ATRNL1: variants seen among roughly 807,000 people sequenced by gnomAD.
ATRNL1 encodes the protein attractin-like protein 1.
A neutral mutation model predicts 182.7 loss-of-function variants in ATRNL1; 95 were observed. That is an observed-to-expected ratio of 0.52 (90% CI 0.44 to 0.62). ATRNL1 has a LOEUF of 0.62. ATRNL1 is among the 20% of genes least tolerant of loss of function. ATRNL1 has a pLI of 0.00. For missense variants in ATRNL1, 1,471 were observed against 1,679.5 expected, an observed-to-expected ratio of 0.88 and a Z score of 2.17; for synonymous variants, 576 against 568.3, an observed-to-expected ratio of 1.01 and a Z score of -0.19.
intron 10 of ATRNL1, among the ~76,000 whole-genome samples, chr10:115,245,806 G>A (rs999712499): frequency 2.6e-5 from 4 of 151,848 alleles, no homozygotes; most frequent in East Asian, 1.9e-4. Flanking sequence ...TATGCACTTC[G>A]TTAAATTCTT....
In ATRNL1 at chr10:115,718,819, C is replaced by T. The variant is rs1555056979; in HGVS notation, c.3796-8429C>T. On this transcript the variant is annotated intron_variant, in intron 26 of 28. Transcript: ENST00000355044. Reference sequence around the variant, plus strand: ...TAACTCCAGGCTACATAAGTACTTCCTCCAATAGCAGACTATACTATCTGC... The same window carrying T: ...TAACTCCAGGCTACATAAGTACTTCTTCCAATAGCAGACTATACTATCTGC... Among the ~76,000 whole-genome samples, 3 of 152,206 alleles carry T rather than the reference C, an allele frequency of 2.0e-5. No individual in the cohort carries two copies. In the South Asian group the frequency reaches 6.2e-4, roughly 32 times the overall value.
At chr10:115,419,036 A>G (rs1021945681) in intron 20 of ATRNL1, among the ~76,000 whole-genome samples, 4 of 152,208 alleles carry the variant, frequency 2.6e-5, no homozygotes, top group Non-Finnish European at 5.9e-5. Context: ...TTATCTTTGT[A>G]TAAAGAATGA....
At chr10:115,389,530 A>ATGTGTATG (rs1843861103) in intron 19 of ATRNL1, among the ~76,000 whole-genome samples, 1 of 94,476 alleles carries the variant, frequency 1.1e-5, no homozygotes, top group African/African-American at 4.5e-5. Context: ...TAGTATTCAA[A>ATGTGTATG]TGTGTATGTG....
intron 27 of ATRNL1, among the ~76,000 whole-genome samples, chr10:115,750,284 G>T (rs1229073206): frequency 6.6e-6 from 1 of 151,662 alleles, no homozygotes; most frequent in Non-Finnish European, 1.5e-5. Flanking sequence ...TAAAAGAAAG[G>T]TCTATTAATA....
intron 7 of ATRNL1, among the ~76,000 whole-genome samples, chr10:115,170,043 A>T (rs1256057755): frequency 6.6e-6 from 1 of 152,146 alleles, no homozygotes; most frequent in Non-Finnish European, 1.5e-5. Flanking sequence ...TTTTTAAAAA[A>T]ATTTTTAGGA....
intron 28 of ATRNL1, among the ~76,000 whole-genome samples, chr10:115,892,197 G>A (rs545843173): frequency 6.6e-6 from 1 of 152,230 alleles, no homozygotes; most frequent in East Asian, 1.9e-4. Context: ...TTGTAATGGT[G>A]ATTTTTATTA....
intron 27 of ATRNL1, among the ~76,000 whole-genome samples, chr10:115,752,183 T>C (rs1335240167): frequency 6.6e-6 from 1 of 152,074 alleles, no homozygotes; most frequent in Non-Finnish European, 1.5e-5. Flanking sequence ...ATTAAAAATA[T>C]TTATTCAGAA....
intron 27 of ATRNL1, among the ~76,000 whole-genome samples, chr10:115,787,064 A>G (rs1303032562): frequency 1.3e-5 from 2 of 152,204 alleles, no homozygotes; most frequent in Non-Finnish European, 2.9e-5. Flanking sequence ...AAGGTTCTTT[A>G]TCTGATTCTG....
intron 5 of ATRNL1, among the ~76,000 whole-genome samples, chr10:115,152,749 A>T (rs979197157): frequency 1.3e-5 from 2 of 152,240 alleles, no homozygotes; most frequent in East Asian, 1.9e-4. Flanking sequence ...TTCCAACACT[A>T]TGTTGAATAA....
At chr10:115,162,109 C>T (rs1463874149) in intron 6 of ATRNL1, among the ~76,000 whole-genome samples, 1 of 151,188 alleles carries the variant, frequency 6.6e-6, no homozygotes, top group Admixed American at 6.6e-5. Context: ...AACAAATGCC[C>T]GTGTCTTTGT....
At chr10:115,170,216 A>G (rs1378261933) in intron 7 of ATRNL1, among the ~76,000 whole-genome samples, 2 of 152,146 alleles carry the variant, frequency 1.3e-5, no homozygotes, top group African/African-American at 4.8e-5. Flanking sequence ...GACCTTAGGG[A>G]AATGTATCTA....
chr10:115,187,171 A>G (rs1269376697), intron 8 of ATRNL1, among the ~76,000 whole-genome samples: 4 of 148,014 alleles, frequency 2.7e-5, no homozygotes, highest in African/African-American at 8.0e-5. Flanking sequence ...GTTTCTGGGA[A>G]TAATTTTTTT....
intron 26 of ATRNL1, among the ~76,000 whole-genome samples, chr10:115,564,206 G>A (rs1853934088): frequency 6.6e-6 from 1 of 151,978 alleles, no homozygotes; most frequent in South Asian, 2.1e-4. Flanking sequence ...TATATTGAAT[G>A]AACATGGTAT....
intron 26 of ATRNL1, among the ~76,000 whole-genome samples, chr10:115,706,900 G>A (rs1227126462): frequency 1.3e-5 from 2 of 151,630 alleles, no homozygotes; most frequent in Non-Finnish European, 2.9e-5. Flanking sequence ...TCTAGCTAAC[G>A]TCAACAACTA....
At position 115,596,731 on chromosome 10, in the gene ATRNL1, G is replaced by A. The variant is rs182742078; in HGVS notation, c.3795+47195G>A. ...TAACATGATAGACTATGGGAAGTTT[G>A]TATGTAGAAATATACTTTGTTAAGC... On this transcript the variant is annotated intron_variant, in intron 26 of 28. Transcript: ENST00000355044. 2.5e-3 allele frequency among the ~76,000 whole-genome samples: 374 copies of A among 152,210 alleles called. 2 individuals are homozygous for A. Among genetic ancestry groups the A allele is most frequent in the Non-Finnish European group, 1.9e-3 (127 of 68,010 alleles).
At chr10:115,101,422 A>G (rs536872365) in intron 1 of ATRNL1, among the ~76,000 whole-genome samples, 6 of 152,194 alleles carry the variant, frequency 3.9e-5, no homozygotes, top group African/African-American at 1.4e-4. Flanking sequence ...AGTGATGGAA[A>G]CTGGATTGTA....
intron 26 of ATRNL1, among the ~76,000 whole-genome samples, chr10:115,657,923 T>C (rs954921320): frequency 6.6e-6 from 1 of 152,100 alleles, no homozygotes; most frequent in Non-Finnish European, 1.5e-5. Flanking sequence ...ATCAAACTTA[T>C]GTAATAACAT....
intron 27 of ATRNL1, among the ~76,000 whole-genome samples, chr10:115,763,064 TATC>T (rs1483103949): frequency 2.0e-5 from 3 of 152,298 alleles, no homozygotes; most frequent in South Asian, 2.1e-4. Flanking sequence ...TTGTAAAAGT[TATC>T]ATGCAATAAA....
chr10:115,897,716 C>G (rs368044048), intron 28 of ATRNL1, among the ~76,000 whole-genome samples: 1 of 152,062 alleles, frequency 6.6e-6, no homozygotes, highest in Admixed American at 6.6e-5. Flanking sequence ...AGTTGAAAAT[C>G]GAAATTTGAG....
Sources: gnomAD v4.1 joint callset for allele counts (sites outside exome capture counted in the v4.1 genomes callset) on GRCh38, gnomAD v4.1.1 for gene constraint, MANE v1.5 for transcripts, NCBI Gene and HGNC (gene_info 2026-07-23, HGNC 2026-07-21) for gene names.